The following UGT3A2 variants were observed in gnomAD, a reference collection of about 807,000 sequenced individuals.
UGT3A2 encodes UDP-glycosyltransferase 3A2.
In UGT3A2, 32 loss-of-function variants were observed where a neutral mutation model predicts 39.8. That is an observed-to-expected ratio of 0.80 (90% CI 0.61 to 1.08). The LOEUF is 1.08. Among genes scored for constraint, UGT3A2 ranks in the 50% least tolerant of loss-of-function variants. UGT3A2 has a pLI of 0.00. For missense variants in UGT3A2, 611 were observed against 637.1 expected, an observed-to-expected ratio of 0.96 and a Z score of 0.44; for synonymous variants, 241 against 230.7, an observed-to-expected ratio of 1.04 and a Z score of -0.40.
At chr5:36,064,427 A>T in intron 1 of UGT3A2, 77 bp from the exon 2 acceptor site, 2 of 1,214,718 alleles carry the variant, frequency 1.6e-6, no homozygotes, top group Admixed American at 3.8e-5. Flanking sequence ...AATCCAGGAG[A>T]GGAAAGGTAA....
At chr5:36,042,100 A>G (rs62354169) in intron 4 of UGT3A2, among the ~76,000 whole-genome samples, 28,811 of 151,884 alleles carry the variant, frequency 0.19, 3,407 homozygotes, top group Non-Finnish European at 0.25. Flanking sequence ...CTGGAGTTGA[A>G]AATGCATTTG....
Position 36,066,694 on chromosome 5 carries a change from AC to A in UGT3A2, c.94+1del. ...CTGGGAATTCTCCGGCCAAGCACTC[AC>A]CTACTGTAGATATTGTCAGGATTTT... On this transcript the variant is annotated splice_donor_variant, in intron 1 of 6. Coordinates refer to ENST00000282507, the MANE Select transcript of UGT3A2 (RefSeq NM_174914.4). LOFTEE classifies it high-confidence loss of function. 4 of 1,613,968 alleles carry A rather than the reference AC, an allele frequency of 2.5e-6. No homozygotes were observed. In the South Asian group the frequency reaches 4.4e-5, roughly 18 times the overall value.
intron 6 of UGT3A2, 97 bp from the exon 7 acceptor site, chr5:36,036,071 A>T: frequency 6.9e-7 from 1 of 1,454,680 alleles, no homozygotes; most frequent in Admixed American, 2.2e-5. Context: ...ACTGAGTTCC[A>T]AGGAAATTCT....
At chr5:36,052,024 G>T in intron 2 of UGT3A2, 40 bp from the exon 3 acceptor site, 2 of 1,298,182 alleles carry the variant, frequency 1.5e-6, no homozygotes, top group Non-Finnish European at 1.1e-6. Flanking sequence ...AGTTAAATAT[G>T]CTACACAAAA....
intron 3 of UGT3A2, among the ~76,000 whole-genome samples, chr5:36,051,662 AC>A (rs1581009292): frequency 6.6e-6 from 1 of 152,190 alleles, no homozygotes; most frequent in East Asian, 1.9e-4. Context: ...CAGGGACTTT[AC>A]TGGATGATGT....
At chr5:36,060,279 G>C (rs2111767929) in intron 2 of UGT3A2, among the ~76,000 whole-genome samples, 1 of 152,350 alleles carries the variant, frequency 6.6e-6, no homozygotes, top group African/African-American at 2.4e-5. Flanking sequence ...GAGGCCAAAA[G>C]AGTGAGGGTT....
At chr5:36,050,455 C>T (rs1174964425) in intron 3 of UGT3A2, among the ~76,000 whole-genome samples, 4 of 152,208 alleles carry the variant, frequency 2.6e-5, no homozygotes, top group Non-Finnish European at 5.9e-5. Flanking sequence ...TGTACATTGC[C>T]CTCCAGTTAG....
intron 2 of UGT3A2, among the ~76,000 whole-genome samples, chr5:36,062,600 A>G (rs1380928360): frequency 6.6e-6 from 1 of 151,906 alleles, no homozygotes; most frequent in Non-Finnish European, 1.5e-5. Context: ...CCATTGATCT[A>G]TATCTCTGTT....
chr5:36,036,975 A>G (rs982969082), intron 6 of UGT3A2, among the ~76,000 whole-genome samples: 4 of 152,230 alleles, frequency 2.6e-5, no homozygotes, highest in African/African-American at 7.2e-5. Context: ...CTTAACTAAA[A>G]TTCATTAACC....
chr5:36,042,420 A>G (rs1023859833), intron 4 of UGT3A2, among the ~76,000 whole-genome samples: 1 of 152,220 alleles, frequency 6.6e-6, no homozygotes, highest in Non-Finnish European at 1.5e-5. Context: ...AAATTAAAAC[A>G]TACCACCAGA....
At chr5:36,047,798 G>C (rs1239687797) in intron 4 of UGT3A2, among the ~76,000 whole-genome samples, 1 of 152,116 alleles carries the variant, frequency 6.6e-6, no homozygotes, top group African/African-American at 2.4e-5. Context: ...AATCCCCACA[G>C]CTTTACTCAT....
intron 2 of UGT3A2, among the ~76,000 whole-genome samples, chr5:36,057,230 T>G (rs1240696951): frequency 6.6e-6 from 1 of 152,236 alleles, no homozygotes; most frequent in East Asian, 1.9e-4. Context: ...AGTTAATAAT[T>G]GGCTCAAATG....
chr5:36,064,026 G>A (rs1399384381), intron 2 of UGT3A2, among the ~76,000 whole-genome samples: 1 of 152,108 alleles, frequency 6.6e-6, no homozygotes, highest in Non-Finnish European at 1.5e-5. Flanking sequence ...GGATGGAGTA[G>A]AAGTCAAGTA....
chr5:36,049,087 C>T lies in UGT3A2; in HGVS notation c.645G>A (p.Gln215=). The T allele has an allele frequency of 6.2e-7, 1 of 1,614,192 alleles. No homozygotes were observed. Among genetic ancestry groups the T allele is most frequent in the Middle Eastern group, 1.7e-4 (1 of 6,056 alleles). The change falls in exon 4 of 7, where the codon CAG becomes CAA. Residue 215 remains glutamine, a synonymous_variant. Transcript: ENST00000282507. ...LMFFSFCRRQ[Q]HMQSTFDNTI... ...TGTTGTCAAATGTAGACTGCATGTG[C>T]TGTTGCCTCCTGCAGAAACTAAAGA...
chr5:36,051,767 C>T (rs1207611153), intron 3 of UGT3A2, 103 bp downstream of exon 3: 18 of 839,156 alleles, frequency 2.1e-5, no homozygotes, highest in Middle Eastern at 2.3e-4. Context: ...TCCATCCATT[C>T]GTCACTTTCT....
At chr5:36,057,024 T>G (rs1237320538) in intron 2 of UGT3A2, among the ~76,000 whole-genome samples, 1 of 152,252 alleles carries the variant, frequency 6.6e-6, no homozygotes, top group Non-Finnish European at 1.5e-5. Flanking sequence ...AATTTAGGCT[T>G]TCTCTCTCAT....
chr5:36,050,042 C>A (rs12653497), intron 3 of UGT3A2, among the ~76,000 whole-genome samples: 1 of 151,126 alleles, frequency 6.6e-6, no homozygotes, highest in Non-Finnish European at 1.5e-5. Context: ...GTTTTTGAAA[C>A]GCATTATTTT....
At position 36,055,075 on chromosome 5, in the gene UGT3A2, G is replaced by T. The variant is rs964150072; in HGVS notation, c.197-3091C>A. On this transcript the variant is annotated intron_variant, in intron 2 of 6. Coordinates refer to ENST00000282507, the MANE Select transcript of UGT3A2 (RefSeq NM_174914.4). ...AATCGCTTAAACCTGGGAGGAGGAGGTTGCAGTGAGCTGAGATCACACCAT... is the reference window on the plus strand; with the variant it reads ...AATCGCTTAAACCTGGGAGGAGGAGTTTGCAGTGAGCTGAGATCACACCAT... Among the ~76,000 whole-genome samples the T allele has an allele frequency of 4.0e-5, 6 of 151,732 alleles. No individual in the cohort carries two copies. The East Asian group carries it at 9.8e-4, about 25-fold the overall frequency.
intron 1 of UGT3A2, among the ~76,000 whole-genome samples, chr5:36,066,434 C>T (rs1401555702): frequency 2.6e-5 from 4 of 152,122 alleles, no homozygotes; most frequent in Non-Finnish European, 5.9e-5. Flanking sequence ...CTGGCCCCAG[C>T]CCTGCGGGAT....
Sources: allele counts gnomAD v4.1 joint callset (sites outside exome capture counted in the v4.1 genomes callset), GRCh38; gene constraint gnomAD v4.1.1; transcripts MANE v1.5; gene names NCBI Gene and HGNC (gene_info 2026-07-23, HGNC 2026-07-21).